The following COPG2 variants were observed in gnomAD, a reference collection of about 807,000 sequenced individuals.
COPG2 encodes coat protein complex I subunit gamma 2.
A neutral mutation model predicts 46.3 loss-of-function variants in COPG2; 37 were observed. The ratio of observed to expected loss-of-function variants is 0.80; its 90% CI spans 0.61 to 1.05. COPG2 has a LOEUF of 1.05. Among genes scored for constraint, COPG2 ranks in the 50% least tolerant of loss-of-function variants. The pLI is 0.00. For synonymous variants in COPG2, 159 were observed against 129.7 expected (o/e 1.23, Z -1.53); for missense variants, 427 against 387.8 (o/e 1.10, Z -0.85).
chr7:130,621,008 TATTGA>T (rs1285287025), intron 5 of COPG2, among the ~76,000 whole-genome samples: 6 of 152,202 alleles, frequency 3.9e-5, no homozygotes, highest in Admixed American at 3.9e-4. Context: ...GGGGAAATTA[TATTGA>T]ATTATTTGGG....
At chr7:130,537,924 G>A (rs1379064281) in intron 20 of COPG2, among the ~76,000 whole-genome samples, 8 of 152,142 alleles carry the variant, frequency 5.3e-5, no homozygotes, top group African/African-American at 1.7e-4. Context: ...GTCAATAAAG[G>A]GCATGGCGAG....
chr7:130,535,544 G>A (rs1483798406), intron 20 of COPG2, among the ~76,000 whole-genome samples: 1 of 150,860 alleles, frequency 6.6e-6, no homozygotes, highest in Non-Finnish European at 1.5e-5. Flanking sequence ...CAATGGGCAG[G>A]AAGGAATGGC....
chr7:130,554,750 C>T (rs1793592428), intron 13 of COPG2, 26 bp from the exon 14 acceptor site: 1 of 398,444 alleles, frequency 2.5e-6, no homozygotes, highest in African/African-American at 2.1e-5. Context: ...ATAAAACTGC[C>T]ATTCATTCTA....
At position 130,600,886 on chromosome 7, in the gene COPG2, C is replaced by T. The variant is rs1041212747; in HGVS notation, c.737+10067G>A. On this transcript the variant is annotated intron_variant, in intron 9 of 23. Coordinates refer to ENST00000425248, the MANE Select transcript of COPG2 (RefSeq NM_012133.6). ...CTACAATTCCACATCCTTGTGTAGA[C>T]ATTATATACACCAGAGTTTGTCTGT... 3.4e-4 allele frequency among the ~76,000 whole-genome samples: 52 copies of T among 152,288 alleles called. 1 individual carries two copies. The highest frequency in any genetic ancestry group is 1.2e-3 in the African/African-American group (51 of 41,556).
intron 14 of COPG2, among the ~76,000 whole-genome samples, chr7:130,554,195 G>T (rs888249371): frequency 2.4e-4 from 36 of 149,926 alleles, no homozygotes; most frequent in African/African-American, 8.5e-4. Flanking sequence ...TATATATATA[G>T]AAACACATAA....
In COPG2 at chr7:130,506,506, C is replaced by G; in HGVS notation, c.*170G>C. On this transcript the variant is annotated 3_prime_UTR_variant, in exon 24 of 24. Transcript: ENST00000425248. ...AAAAGAAAAAAAAAAAAAAACAACCCATGCGCAAAGATAGACATTTGCTTG... is the reference window on the plus strand; with the variant it reads ...AAAAGAAAAAAAAAAAAAAACAACCGATGCGCAAAGATAGACATTTGCTTG... 2.2e-6 allele frequency: 1 copy of G among 447,886 alleles called. No individual in the cohort carries two copies. Among genetic ancestry groups the G allele is most frequent in the Non-Finnish European group, 4.0e-6 (1 of 252,794 alleles). The allele number at this position is 447,886 out of a possible 1,614,324, so 27.7% of individuals were successfully genotyped here.
At chr7:130,665,780 A>T (rs1472574466) in intron 3 of COPG2, among the ~76,000 whole-genome samples, 1 of 152,008 alleles carries the variant, frequency 6.6e-6, no homozygotes, top group African/African-American at 2.4e-5. Context: ...TCCATGAAAC[A>T]AAATCATATT....
intron 5 of COPG2, among the ~76,000 whole-genome samples, chr7:130,627,665 C>T (rs369945192): frequency 1.3e-5 from 2 of 151,530 alleles, no homozygotes; most frequent in South Asian, 2.1e-4. Flanking sequence ...CAACTTTAAT[C>T]TTTCTAGTTG....
At chr7:130,645,008 G>A (rs1554457906) in intron 5 of COPG2, among the ~76,000 whole-genome samples, 1 of 148,508 alleles carries the variant, frequency 6.7e-6, no homozygotes, top group Non-Finnish European at 1.5e-5. Context: ...ATTGCAGCGA[G>A]ATGAGATCAC....
intron 20 of COPG2, among the ~76,000 whole-genome samples, chr7:130,537,941 A>C (rs891448803): frequency 4.0e-5 from 6 of 150,260 alleles, no homozygotes; most frequent in Admixed American, 6.6e-5. Context: ...CGAGACGATG[A>C]AAGGCCAGAG....
chr7:130,666,891 T>A lies in COPG2; in HGVS notation c.129A>T (p.Arg43Ser). 1.9e-6 allele frequency: 3 copies of A among 1,568,316 alleles called. No individual in the cohort carries two copies. Among genetic ancestry groups the A allele is most frequent in the Non-Finnish European group, 2.6e-6 (3 of 1,148,712 alleles). ...IFNETPINPR[R>S]CLHILTKILY... ...GAATCTTTGTAAGAATATGCAAACA[T>A]CTTCTTGGATTGATTGGAGTTTCAT... Residue 43 changes from arginine to serine, a missense_variant, in exon 3 of 24, where the codon AGA (arginine) becomes AGT (serine). Arg to Ser is a moderately radical substitution (Grantham distance 110). Coordinates refer to ENST00000425248, the MANE Select transcript of COPG2 (RefSeq NM_012133.6).
intron 4 of COPG2, among the ~76,000 whole-genome samples, chr7:130,656,748 T>C (rs1554459972): frequency 6.6e-6 from 1 of 151,996 alleles, no homozygotes. Context: ...ACAAAATATG[T>C]GCAAGACTTG....
intron 20 of COPG2, among the ~76,000 whole-genome samples, chr7:130,537,231 A>G (rs1410980739): frequency 6.6e-6 from 1 of 151,672 alleles, no homozygotes; most frequent in African/African-American, 2.4e-5. Flanking sequence ...AAAGGATGAG[A>G]AAAGAATCAG....
At chr7:130,576,267 T>C (rs1793997308) in intron 9 of COPG2, among the ~76,000 whole-genome samples, 1 of 152,188 alleles carries the variant, frequency 6.6e-6, no homozygotes, top group Admixed American at 6.5e-5. Context: ...TGAATACACA[T>C]TCTATTCAAC....
intron 20 of COPG2, among the ~76,000 whole-genome samples, chr7:130,536,635 G>A (rs1367058092): frequency 6.6e-6 from 1 of 152,180 alleles, no homozygotes; most frequent in Non-Finnish European, 1.5e-5. Flanking sequence ...CAATGTGAGG[G>A]GAAGATGCAC....
At chr7:130,577,762 C>T (rs1317436102) in intron 9 of COPG2, among the ~76,000 whole-genome samples, 2 of 138,284 alleles carry the variant, frequency 1.4e-5, no homozygotes, top group African/African-American at 2.9e-5. Flanking sequence ...AGCGAGACTC[C>T]GTCTCAAAAA....
intron 4 of COPG2, among the ~76,000 whole-genome samples, chr7:130,662,421 C>A (rs1307284185): frequency 6.6e-6 from 1 of 152,176 alleles, no homozygotes; most frequent in Non-Finnish European, 1.5e-5. Flanking sequence ...TATGGTTCTG[C>A]CTTAGAGCTA....
intron 5 of COPG2, among the ~76,000 whole-genome samples, chr7:130,622,570 C>T (rs1281463161): frequency 6.6e-6 from 1 of 152,170 alleles, no homozygotes; most frequent in African/African-American, 2.4e-5. Flanking sequence ...AAGACGGTAG[C>T]AATCACTATT....
intron 5 of COPG2, among the ~76,000 whole-genome samples, chr7:130,631,172 C>CTTTTTTT (rs55966949): frequency 2.0e-5 from 2 of 102,316 alleles, no homozygotes; most frequent in Admixed American, 9.9e-5. Context: ...TTTTTCTTTT[C>CTTTTTTT]TTTTTTTTTT....
Sources: gnomAD v4.1 joint callset for allele counts (sites outside exome capture counted in the v4.1 genomes callset) on GRCh38, gnomAD v4.1.1 for gene constraint, MANE v1.5 for transcripts, NCBI Gene and HGNC (gene_info 2026-07-23, HGNC 2026-07-21) for gene names.